Variants in PNISR observed in about 807,000 individuals in gnomAD.
PNISR encodes PNN interacting serine and arginine rich protein.
In PNISR, 20 loss-of-function variants were observed where a neutral mutation model predicts 93.4. The observed-to-expected ratio is 0.21, with a 90% confidence interval of 0.15 to 0.31. The LOEUF (loss-of-function observed/expected upper bound fraction) is 0.31. Among genes scored for constraint, PNISR ranks in the 10% least tolerant of loss-of-function variants. PNISR has a pLI of 1.00. For missense variants in PNISR, 893 were observed against 985.4 expected (o/e 0.91, Z 1.25); for synonymous variants, 305 against 306.5 (o/e 0.99, Z 0.05).
intron 6 of PNISR, 47 bp downstream of exon 6, chr6:99,409,126 A>C: frequency 6.8e-7 from 1 of 1,474,932 alleles, no homozygotes; most frequent in East Asian, 2.3e-5. Flanking sequence ...TTATATGATA[A>C]AAAAGTCATG....
chr6:99,425,118 C>G (rs1268219624), intron 1 of PNISR, 97 bp downstream of exon 1: 9 of 779,198 alleles, frequency 1.2e-5, no homozygotes, highest in Non-Finnish European at 1.6e-5. Context: ...AAGCAGCGTA[C>G]GCAGCCTATT....
Position 99,400,773 on chromosome 6 carries a change from C to A in PNISR, c.2185G>T (p.Val729Phe). 6.2e-7 allele frequency: 1 copy of A among 1,610,640 alleles called. No individual in the cohort carries two copies. The highest frequency in any genetic ancestry group is 8.5e-7 in the Non-Finnish European group (1 of 1,177,800). Residue 729 changes from valine to phenylalanine, a missense_variant, in exon 12 of 12, where the codon GTT becomes TTT. Physicochemically the swap from Val to Phe is conservative, Grantham distance 50 (BLOSUM62 -1). Transcript: ENST00000369239. ...CTAGAATCATGTCTTATGATTTTAACAGATATAGAACCACTCCTAGAAAAT... is the reference window on the plus strand; with the variant it reads ...CTAGAATCATGTCTTATGATTTTAAAAGATATAGAACCACTCCTAGAAAAT... ...RTFSRSGSIS[V>F]KIIRHDSRQD...
intron 1 of PNISR, among the ~76,000 whole-genome samples, chr6:99,417,181 G>A (rs569171303): frequency 1.3e-5 from 2 of 152,250 alleles, no homozygotes; most frequent in Non-Finnish European, 1.5e-5. Flanking sequence ...TCTATAAAGT[G>A]CCTACTGAAA....
At chr6:99,412,794 G>T in intron 3 of PNISR, 55 bp from the exon 4 acceptor site, 1 of 1,028,686 alleles carries the variant, frequency 9.7e-7, no homozygotes, top group South Asian at 2.0e-5. Context: ...TAAAAGAATA[G>T]TGCCTCTATG....
At chr6:99,412,303 C>G in intron 4 of PNISR, 1 of 617,594 alleles carries the variant, frequency 1.6e-6, no homozygotes, top group East Asian at 3.4e-5. Context: ...CCAGAGTGTT[C>G]CCAGCCCCTG....
At chr6:99,424,185 C>T (rs1279772569) in intron 1 of PNISR, among the ~76,000 whole-genome samples, 2 of 152,058 alleles carry the variant, frequency 1.3e-5, no homozygotes, top group African/African-American at 4.8e-5. Context: ...AATGTGATAT[C>T]CTAGCTGGCA....
In PNISR at chr6:99,400,041, A is replaced by T. The variant is rs1775268759; in HGVS notation, c.*499T>A. The stretch of plus-strand genomic sequence containing the variant: ...TAATTTTAAGAACATTACAGCTGAA[A>T]GAGAATGGCATGTTTATAGTCTTAT... On this transcript the variant is annotated 3_prime_UTR_variant, in exon 12 of 12. Transcript: ENST00000369239. 1 of 152,718 alleles carries T rather than the reference A, an allele frequency of 6.5e-6. No individual in the cohort carries two copies. The highest frequency in any genetic ancestry group is 2.1e-4 in the South Asian group (1 of 4,866). 9.5% of individuals were successfully genotyped at this position (152,718 alleles called of 1,614,324 possible).
At position 99,399,214 on chromosome 6, in the gene PNISR, T is replaced by C. The variant is rs898940920; in HGVS notation, c.*1326A>G. The C allele has an allele frequency of 6.6e-6, 1 of 152,114 alleles. No individual in the cohort carries two copies. The highest frequency in any genetic ancestry group is 1.5e-5 in the Non-Finnish European group (1 of 67,972). 9.4% of individuals were successfully genotyped at this position (152,114 alleles called of 1,614,324 possible). A position where few individuals can be genotyped will look rare whatever the true frequency, so the allele number is the denominator to read the frequency against. The stretch of plus-strand genomic sequence containing the variant: ...ATGTAAAAGCATTTGTTTTCAGAGA[T>C]TCATTTATCACTGAGTAAGTGATTA... On this transcript the variant is annotated 3_prime_UTR_variant, in exon 12 of 12. Transcript: ENST00000369239.
chr6:99,405,230 C>T (rs563378395), intron 8 of PNISR, among the ~76,000 whole-genome samples: 1 of 152,018 alleles, frequency 6.6e-6, no homozygotes, highest in Non-Finnish European at 1.5e-5. Flanking sequence ...TTTGGGAGGC[C>T]GAGGTGGGCG....
chr6:99,399,540 T>C lies in PNISR; in HGVS notation c.*1000A>G, dbSNP rs943302113. The C allele has an allele frequency of 2.6e-5, 4 of 152,178 alleles. No individual in the cohort carries two copies. The highest frequency in any genetic ancestry group is 1.3e-4 in the Admixed American group (2 of 15,284). The allele number at this position is 152,178 out of a possible 1,614,324, so 9.4% of individuals were successfully genotyped here. ...CTTCTAAAACAGAAGTGGGTGACTG[T>C]AGAATATAGTTCCAGACTTGACTAT... On this transcript the variant is annotated 3_prime_UTR_variant, in exon 12 of 12. Coordinates refer to ENST00000369239, the MANE Select transcript of PNISR (RefSeq NM_032870.4).
chr6:99,403,634 A>G (rs1775793482), intron 10 of PNISR, 195 bp downstream of exon 10: 1 of 414,934 alleles, frequency 2.4e-6, no homozygotes, highest in Non-Finnish European at 4.3e-6. Context: ...TAACCATCAC[A>G]TTTATAAATT....
chr6:99,406,205 T>G, intron 7 of PNISR, 37 bp from the exon 8 acceptor site: 1 of 1,434,760 alleles, frequency 7.0e-7, no homozygotes, highest in South Asian at 1.2e-5. Context: ...CAAATTCATG[T>G]GTATAATGTA....
chr6:99,421,161 T>C (rs1778503153), intron 1 of PNISR, among the ~76,000 whole-genome samples: 1 of 152,226 alleles, frequency 6.6e-6, no homozygotes, highest in South Asian at 2.1e-4. Context: ...GCTGCAAGAC[T>C]TTCCTAACAG....
At chr6:99,418,581 A>G (rs1474814635) in intron 1 of PNISR, among the ~76,000 whole-genome samples, 1 of 152,170 alleles carries the variant, frequency 6.6e-6, no homozygotes, top group East Asian at 1.9e-4. Flanking sequence ...TATTTTTAGA[A>G]GCTTTTCTTC....
intron 5 of PNISR, chr6:99,410,024 T>C (rs1029082548): frequency 6.6e-5 from 10 of 152,386 alleles, no homozygotes; most frequent in African/African-American, 1.9e-4. Flanking sequence ...AGGTGAATAC[T>C]AGATGTCCAT....
In PNISR at chr6:99,401,121, A is replaced by G; in HGVS notation, c.1837T>C (p.Ser613Pro). 1 of 1,613,892 alleles carries G rather than the reference A, an allele frequency of 6.2e-7. No homozygotes were observed. Among genetic ancestry groups the G allele is most frequent in the Non-Finnish European group, 8.5e-7 (1 of 1,179,998 alleles). Reference protein sequence around the residue: ...ERERRRNRSPSRERRRSRSRS... With the variant: ...ERERRRNRSPPRERRRSRSRS... ...CTTCTACTTCTACGTCTCTCTCGGG[A>G]AGGACTCCGATTTCGTCGTCTTTCT... Residue 613 changes from serine (S) to proline (P), a missense_variant, in exon 12 of 12, where the codon TCC (serine) becomes CCC (proline). Ser to Pro is a moderately conservative substitution (Grantham distance 74). Coordinates refer to ENST00000369239, the MANE Select transcript of PNISR (RefSeq NM_032870.4).
At chr6:99,405,968 G>T in intron 8 of PNISR, 63 bp downstream of exon 8, 4 of 1,156,434 alleles carry the variant, frequency 3.5e-6, no homozygotes, top group Admixed American at 2.4e-5. Flanking sequence ...CTCTAATATT[G>T]TCTCCAAAAA....
rs1056321401 is a variant in PNISR, at chr6:99,412,988, G to A, written c.89-249C>T. On this transcript the variant is annotated intron_variant, in intron 3 of 11. Transcript: ENST00000369239. Reference sequence around the variant, plus strand: ...TAATATAAACTACTTACACTTTCAGGAAAGAACTCCACAAAAAACACTCTT... The same window carrying A: ...TAATATAAACTACTTACACTTTCAGAAAAGAACTCCACAAAAAACACTCTT... 4.0e-5 allele frequency among the ~76,000 whole-genome samples: 6 copies of A among 151,788 alleles called. No individual in the cohort carries two copies. In the East Asian group the frequency reaches 1.2e-3, roughly 29 times the overall value.
intron 1 of PNISR, among the ~76,000 whole-genome samples, chr6:99,421,764 C>G (rs892632821): frequency 1.3e-5 from 2 of 152,202 alleles, no homozygotes; most frequent in Non-Finnish European, 2.9e-5. Flanking sequence ...CCCTAGAAAA[C>G]TAATACAACC....
Sources: gnomAD v4.1 joint callset for allele counts (sites outside exome capture counted in the v4.1 genomes callset) on GRCh38, gnomAD v4.1.1 for gene constraint, MANE v1.5 for transcripts, NCBI Gene and HGNC (gene_info 2026-07-23, HGNC 2026-07-21) for gene names.